RADIL: variants seen among roughly 807,000 people sequenced by gnomAD.
The protein encoded by RADIL is Rap associating with DIL domain.
Under a neutral mutation model 97.6 loss-of-function variants are expected in RADIL, and 99 were observed. The observed-to-expected ratio is 1.01, with a 90% CI of 0.86 to 1.20. RADIL has a LOEUF of 1.20. RADIL is among the 50% of genes most tolerant of loss of function. The probability of loss-of-function intolerance (pLI) is 0.00; values close to 1 mark genes in which losing one functional copy is unlikely to be tolerated. For synonymous variants in RADIL, 803 were observed against 691.8 expected (o/e 1.16, Z -2.52); for missense variants, 1,765 against 1,498.9 (o/e 1.18, Z -2.93).
intron 5 of RADIL, among the ~76,000 whole-genome samples, chr7:4,823,346 TTTTTTTA>T (rs1329704619): frequency 6.7e-6 from 1 of 149,868 alleles, no homozygotes; most frequent in Non-Finnish European, 1.5e-5. Context: ...TTTTTTTTTT[TTTTTTTA>T]GAGACAGGGT....
In RADIL at chr7:4,836,469, G is replaced by T; in HGVS notation, c.672C>A (p.Asn224Lys). 3 of 1,605,620 alleles carry T rather than the reference G, an allele frequency of 1.9e-6. No homozygotes were observed. The highest frequency in any genetic ancestry group is 2.5e-6 in the Non-Finnish European group (3 of 1,176,656). ...TVSETSLSPV[N>K]ALPAAAQGPE... ...GGCCCTGGGCGGCAGCGGGCAGGGCGTTCACTGGGCTCAGGCTGGTCTCAC... is the reference window on the plus strand; with the variant it reads ...GGCCCTGGGCGGCAGCGGGCAGGGCTTTCACTGGGCTCAGGCTGGTCTCAC... The change falls in exon 3 of 15, where the codon AAC (asparagine) becomes AAA (lysine). Residue 224 changes from asparagine to lysine, a missense_variant. By Grantham distance (94) the Asn-to-Lys change is moderately conservative. Transcript: ENST00000399583.
chr7:4,830,224 G>T (rs1377428965), intron 5 of RADIL, among the ~76,000 whole-genome samples: 1 of 152,204 alleles, frequency 6.6e-6, no homozygotes, highest in East Asian at 1.9e-4. Context: ...CACTGAGAGA[G>T]CAGTGGCTGA....
At chr7:4,874,420 C>T (rs372146996) in intron 2 of RADIL, among the ~76,000 whole-genome samples, 16 of 152,234 alleles carry the variant, frequency 1.1e-4, no homozygotes, top group African/African-American at 3.4e-4. Flanking sequence ...GCTCAATAAC[C>T]GTTCTGTAAT....
rs529919382 is a variant in RADIL, at chr7:4,831,516, G to A, written c.1454+625C>T. ...TTACCTATGTAACAAAGCTGCACTC[G>A]TACCCCTGAACTTAAAATAAAAGTG... On this transcript the variant is annotated intron_variant, in intron 5 of 14. Coordinates refer to ENST00000399583, the MANE Select transcript of RADIL (RefSeq NM_018059.5). 4.4e-4 allele frequency among the ~76,000 whole-genome samples: 65 copies of A among 146,702 alleles called. 1 individual carries two copies. The highest frequency in any genetic ancestry group is 1.5e-3 in the African/African-American group (59 of 39,380).
Position 4,817,334 on chromosome 7 carries a change from A to C in RADIL, c.1633T>G (p.Phe545Val), listed in dbSNP as rs1003101535. 2 of 1,612,156 alleles carry C rather than the reference A, an allele frequency of 1.2e-6. No homozygotes were observed. The highest frequency in any genetic ancestry group is 4.5e-5 in the East Asian group (2 of 44,854). ...TCGCTGGCCGTCAGCGTGCAGGAGA[A>C]CAGCGATTCCTTCGAGCCTGCCGGG... ...LDITGSKESLFSCTLTASEEA... is the reference protein window; with the variant it reads ...LDITGSKESLVSCTLTASEEA... The change falls in exon 7 of 15, where the codon TTC (phenylalanine) becomes GTC (valine). Residue 545 changes from phenylalanine (F) to valine (V), a missense_variant. By Grantham distance (50) the Phe-to-Val change is conservative. Coordinates refer to ENST00000399583, the MANE Select transcript of RADIL (RefSeq NM_018059.5). The surrounding 1 kb of genome is among the most constrained non-coding windows in gnomAD (Gnocchi z 8.3).
chr7:4,859,374 C>T (rs971992175), intron 2 of RADIL: 2 of 154,298 alleles, frequency 1.3e-5, no homozygotes, highest in African/African-American at 4.8e-5. Flanking sequence ...TAAATCCAGT[C>T]CAGATGTCAG....
At chr7:4,881,931 T>C (rs1183281364) in intron 1 of RADIL, among the ~76,000 whole-genome samples, 1 of 151,908 alleles carries the variant, frequency 6.6e-6, no homozygotes, top group Non-Finnish European at 1.5e-5. Flanking sequence ...ACTTCAGAAA[T>C]GTTGTTCCCC....
intron 11 of RADIL, among the ~76,000 whole-genome samples, chr7:4,802,772 C>A (rs1782148503): frequency 1.8e-5 from 2 of 112,118 alleles, no homozygotes; most frequent in South Asian, 6.4e-4. Context: ...GGCACGCTGG[C>A]TGGGGGGCCC....
At chr7:4,850,796 G>T (rs574717529) in intron 2 of RADIL, among the ~76,000 whole-genome samples, 2 of 152,180 alleles carry the variant, frequency 1.3e-5, no homozygotes, top group African/African-American at 2.4e-5. Flanking sequence ...GAGTGCAGCC[G>T]TGTGAGACCT....
chr7:4,841,499 G>A (rs900641988), intron 2 of RADIL, among the ~76,000 whole-genome samples: 5 of 152,222 alleles, frequency 3.3e-5, no homozygotes, highest in Non-Finnish European at 7.3e-5. Flanking sequence ...TTGATCTAGT[G>A]TTGATTTCAG....
intron 2 of RADIL, chr7:4,859,984 G>C (rs753844932): frequency 5.0e-6 from 8 of 1,613,892 alleles, no homozygotes; most frequent in Non-Finnish European, 6.8e-6. Context: ...TGGCGACCAT[G>C]GCCTTTGGTG....
At chr7:4,871,069 A>G (rs1020103134) in intron 2 of RADIL, among the ~76,000 whole-genome samples, 3 of 152,246 alleles carry the variant, frequency 2.0e-5, no homozygotes, top group African/African-American at 7.2e-5. Flanking sequence ...TTAAAGTTCA[A>G]TAACTTTTCT....
At chr7:4,865,477 A>G in intron 2 of RADIL, 4 of 773,998 alleles carry the variant, frequency 5.2e-6, no homozygotes, top group Non-Finnish European at 9.6e-6. Flanking sequence ...ATCTGGAAGT[A>G]ATGTAATTCG....
At chr7:4,850,029 T>A (rs550444956) in intron 2 of RADIL, among the ~76,000 whole-genome samples, 26 of 151,904 alleles carry the variant, frequency 1.7e-4, no homozygotes, top group African/African-American at 6.0e-4. Flanking sequence ...ATACATAGAG[T>A]GTTTCGTCTA....
rs530750721 is a variant in RADIL at position 4,875,115 on chromosome 7, C to A, written c.535+2490G>T. 6.4e-4 allele frequency among the ~76,000 whole-genome samples: 92 copies of A among 143,384 alleles called. 5 individuals carry two copies. Among genetic ancestry groups the A allele is most frequent in the African/African-American group, 2.6e-3 (87 of 33,362 alleles). The allele number at this position is 143,384 out of a possible 152,430, so 94.1% of individuals were successfully genotyped here. On this transcript the variant is annotated intron_variant, in intron 2 of 14. Transcript: ENST00000399583. ...GCTGAGGCAGGAGAATGGCGTGAAC[C>A]CGGGAGGCGGAGCTTGCAGTGAGCC...
At chr7:4,882,112 A>G (rs1203588249) in intron 1 of RADIL, 2 of 152,244 alleles carry the variant, frequency 1.3e-5, no homozygotes, top group African/African-American at 4.8e-5. Context: ...CACAAACCTT[A>G]TCTGTTTTGG....
Position 4,849,428 on chromosome 7 carries a change from G to C in RADIL, c.536-12823C>G, listed in dbSNP as rs901233299. On this transcript the variant is annotated intron_variant, in intron 2 of 14. Coordinates refer to ENST00000399583, the MANE Select transcript of RADIL (RefSeq NM_018059.5). The surrounding 1 kb of genome is among the most constrained non-coding windows in gnomAD (Gnocchi z 5.4). ...ATTCCATCAACTCCTAAACACACTTGTTTATCTTCTAACATCTCTGGAACT... is the reference window on the plus strand; with the variant it reads ...ATTCCATCAACTCCTAAACACACTTCTTTATCTTCTAACATCTCTGGAACT... 1.3e-5 allele frequency among the ~76,000 whole-genome samples: 2 copies of C among 152,160 alleles called. No homozygotes were observed. The highest frequency in any genetic ancestry group is 2.9e-5 in the Non-Finnish European group (2 of 68,038).
chr7:4,861,276 T>TTA, intron 2 of RADIL: 1 of 1,614,096 alleles, frequency 6.2e-7, no homozygotes, highest in Non-Finnish European at 8.5e-7. Flanking sequence ...TCTTCTGGAA[T>TTA]AGTCTGTAGT....
chr7:4,845,171 GCA>G (rs771179193), intron 2 of RADIL, among the ~76,000 whole-genome samples: 59 of 152,158 alleles, frequency 3.9e-4, no homozygotes, highest in Non-Finnish European at 5.0e-4. Flanking sequence ...TGTAATCCCA[GCA>G]CTTTGGGAGG....
Sources: allele counts gnomAD v4.1 joint callset (sites outside exome capture counted in the v4.1 genomes callset), GRCh38; gene constraint gnomAD v4.1.1; non-coding constraint Gnocchi (gnomAD v3.1); transcripts MANE v1.5; gene names NCBI Gene and HGNC (gene_info 2026-07-23, HGNC 2026-07-21).